CEP63: variants seen among roughly 807,000 people sequenced by gnomAD.
CEP63 encodes centrosomal protein 63.
Under a neutral mutation model 89.1 loss-of-function variants are expected in CEP63, and 84 were observed. That is an observed-to-expected ratio of 0.94 (90% CI 0.79 to 1.13). The LOEUF (loss-of-function observed/expected upper bound fraction) is 1.13, where lower values mean the gene tolerates loss of function less well. Ranked by LOEUF, CEP63 falls within the 50% of genes most tolerant of loss-of-function variation. CEP63 has a pLI of 0.00. For missense variants in CEP63, 838 were observed against 813.3 expected (o/e 1.03, Z -0.37); for synonymous variants, 267 against 272.5 (o/e 0.98, Z 0.20).
At chr3:134,752,577 C>G in the CEP63 span, among the ~76,000 whole-genome samples, 91 of 152,210 alleles carry the variant, frequency 6.0e-4, no homozygotes, top group African/African-American at 2.0e-3. Context: ...ACATAGACAG[C>G]ACACTCATTT....
chr3:134,768,431 A>C, the CEP63 span, among the ~76,000 whole-genome samples: 2 of 152,208 alleles, frequency 1.3e-5, 1 homozygote, highest in African/African-American at 4.8e-5. Context: ...GCTCTAATTA[A>C]GGCCATGAAA....
chr3:134,630,780 A>G, the CEP63 span, among the ~76,000 whole-genome samples: 2 of 152,344 alleles, frequency 1.3e-5, no homozygotes, highest in East Asian at 3.9e-4. Context: ...CTTAATTTGA[A>G]AAGGAAAAGA....
At chr3:134,750,987 G>A in the CEP63 span, among the ~76,000 whole-genome samples, 3 of 152,146 alleles carry the variant, frequency 2.0e-5, no homozygotes, top group Non-Finnish European at 2.9e-5. Flanking sequence ...CCTCTGTCTA[G>A]TTCCACAACA....
chr3:134,545,044 A>C (rs1559997264), intron 6 of CEP63, among the ~76,000 whole-genome samples: 1 of 152,104 alleles, frequency 6.6e-6, no homozygotes, highest in Non-Finnish European at 1.5e-5. Flanking sequence ...ACTAGGCTGC[A>C]GTGCAGTGGC....
the CEP63 span, among the ~76,000 whole-genome samples, chr3:134,691,401 G>T: frequency 6.7e-6 from 1 of 150,330 alleles, no homozygotes; most frequent in South Asian, 2.1e-4. Flanking sequence ...GGTAGCTTGA[G>T]CCTAGGAGTT....
At chr3:134,692,386 G>A in the CEP63 span, among the ~76,000 whole-genome samples, 4 of 151,372 alleles carry the variant, frequency 2.6e-5, no homozygotes, top group African/African-American at 9.7e-5. Flanking sequence ...CCTTGCAATA[G>A]TTTGCTAAGA....
the CEP63 span, chr3:134,643,502 AAT>A: frequency 1.4e-6 from 1 of 711,032 alleles, no homozygotes; most frequent in Non-Finnish European, 2.5e-6. Flanking sequence ...CCCAGGCCTA[AAT>A]GTGTGCACAC....
chr3:134,774,724 C>T, the CEP63 span, among the ~76,000 whole-genome samples: 1,274 of 152,106 alleles, frequency 8.4e-3, 15 homozygotes, highest in African/African-American at 0.028. Context: ...AGTATGGCAT[C>T]GAATAGAGAT....
chr3:134,599,199 T>A, the CEP63 span, among the ~76,000 whole-genome samples: 1 of 152,228 alleles, frequency 6.6e-6, no homozygotes, highest in Non-Finnish European at 1.5e-5. Flanking sequence ...GCTTTGGGGA[T>A]GGCATTTTCA....
At chr3:134,565,208 T>TA (rs1417513988), downstream of CEP63, among the ~76,000 whole-genome samples, 2 of 152,212 alleles carry the variant, frequency 1.3e-5, no homozygotes, top group Non-Finnish European at 2.9e-5. Flanking sequence ...TCTGGATTCC[T>TA]ACGCAGATTT....
chr3:134,617,567 T>C, the CEP63 span, among the ~76,000 whole-genome samples: 1 of 152,332 alleles, frequency 6.6e-6, no homozygotes, highest in African/African-American at 2.4e-5. Context: ...ATGTTACCAG[T>C]GTTAGCTGTA....
chr3:134,739,727 C>A, the CEP63 span, among the ~76,000 whole-genome samples: 1 of 148,530 alleles, frequency 6.7e-6, no homozygotes. Context: ...CTAAGGGACA[C>A]ATGCATAGCA....
the CEP63 span, among the ~76,000 whole-genome samples, chr3:134,732,991 A>C: frequency 6.6e-6 from 1 of 152,220 alleles, no homozygotes; most frequent in African/African-American, 2.4e-5. Context: ...CCCAAGTCCC[A>C]GTGTTCACAG....
the CEP63 span, among the ~76,000 whole-genome samples, chr3:134,713,129 T>C: frequency 6.6e-6 from 1 of 152,224 alleles, no homozygotes; most frequent in African/African-American, 2.4e-5. Flanking sequence ...GGCAGCATAC[T>C]AGGACAGTTT....
rs112258165 is a variant in CEP63, at chr3:134,513,805, A to G, written c.222+6519A>G. Among the ~76,000 whole-genome samples, 1,068 of 152,262 alleles carry G rather than the reference A, an allele frequency of 7.0e-3. 12 individuals are homozygous for G. The highest frequency in any genetic ancestry group is 0.025 in the African/African-American group (1,026 of 41,542). Reference sequence around the variant, plus strand: ...CATCTAAATCCCTGAAATCAGTTTTAAGTTAAACTTAAGAGTGCTACTGTC... The same window carrying G: ...CATCTAAATCCCTGAAATCAGTTTTGAGTTAAACTTAAGAGTGCTACTGTC... On this transcript the variant is annotated intron_variant, in intron 3 of 14. Coordinates refer to ENST00000675561, the MANE Select transcript of CEP63 (RefSeq NM_001353108.3).
downstream of CEP63, among the ~76,000 whole-genome samples, chr3:134,592,392 C>A (rs1363269095): frequency 6.6e-6 from 1 of 151,856 alleles, no homozygotes; most frequent in African/African-American, 2.4e-5. Context: ...GGGAATTAGG[C>A]TCTTCCTTTT....
the CEP63 span, among the ~76,000 whole-genome samples, chr3:134,764,838 GC>G: frequency 8.5e-5 from 13 of 152,274 alleles, no homozygotes; most frequent in East Asian, 2.5e-3. Flanking sequence ...TGAGGTTACA[GC>G]CCCCAGGAGA....
intron 6 of CEP63, among the ~76,000 whole-genome samples, chr3:134,538,081 G>T (rs1164279068): frequency 6.6e-6 from 1 of 151,964 alleles, no homozygotes; most frequent in Non-Finnish European, 1.5e-5. Flanking sequence ...CATTGACCCA[G>T]TGCTTCTTGT....
At chr3:134,636,174 A>G in the CEP63 span, among the ~76,000 whole-genome samples, 1 of 152,354 alleles carries the variant, frequency 6.6e-6, no homozygotes, top group Non-Finnish European at 1.5e-5. Context: ...TGAATCAAAT[A>G]ATATGGATAT....
Sources: gnomAD v4.1 joint callset for allele counts (sites outside exome capture counted in the v4.1 genomes callset) on GRCh38, gnomAD v4.1.1 for gene constraint, MANE v1.5 for transcripts, NCBI Gene and HGNC (gene_info 2026-07-23, HGNC 2026-07-21) for gene names.